Variants in RHOT1 observed in about 807,000 individuals in gnomAD.
RHOT1 encodes ras homolog family member T1.
RHOT1 carries 27 observed loss-of-function variants against 95.3 expected under a neutral mutation model. The observed-to-expected ratio is 0.28, with a 90% CI of 0.21 to 0.39. The LOEUF (loss-of-function observed/expected upper bound fraction) is 0.39, where lower values mean the gene tolerates loss of function less well. RHOT1 is among the 10% of genes least tolerant of loss of function. The probability of loss-of-function intolerance (pLI) is 1.00; values close to 1 mark genes in which losing one functional copy is unlikely to be tolerated. For missense variants in RHOT1, 578 were observed against 786.7 expected, an observed-to-expected ratio of 0.73 and a Z score of 3.17; for synonymous variants, 227 against 263.5, an observed-to-expected ratio of 0.86 and a Z score of 1.34.
At chr17:32,162,965 T>C (rs73286114) in intron 1 of RHOT1, among the ~76,000 whole-genome samples, 1,723 of 152,220 alleles carry the variant, frequency 0.011, 35 homozygotes, top group African/African-American at 0.039. Context: ...GTGGGCAGGA[T>C]TTATCATGGC....
intron 18 of RHOT1, among the ~76,000 whole-genome samples, chr17:32,210,291 A>G (rs1479129229): frequency 6.6e-6 from 1 of 152,158 alleles, no homozygotes; most frequent in Non-Finnish European, 1.5e-5. Context: ...CAGTCATTGG[A>G]GACCCCCTAC....
intron 3 of RHOT1, among the ~76,000 whole-genome samples, chr17:32,174,455 ACAAT>A (rs1229854391): frequency 6.6e-6 from 1 of 152,234 alleles, no homozygotes; most frequent in East Asian, 1.9e-4. Flanking sequence ...GACTTCTGCT[ACAAT>A]CAGTCTCATA....
intron 13 of RHOT1, 144 bp downstream of exon 13, chr17:32,199,694 C>T (rs1488693616): frequency 1.8e-6 from 1 of 564,756 alleles, no homozygotes; most frequent in African/African-American, 2.0e-5. Flanking sequence ...CTGCTGATAT[C>T]TCTAAGATGA....
chr17:32,211,351 A>G, intron 19 of RHOT1, 113 bp downstream of exon 19: 1 of 938,988 alleles, frequency 1.1e-6, no homozygotes, highest in Non-Finnish European at 1.4e-6. Flanking sequence ...ACTGATGCCC[A>G]ACTAACTTCC....
At chr17:32,163,881 G>A (rs1326371962) in intron 1 of RHOT1, among the ~76,000 whole-genome samples, 2 of 152,038 alleles carry the variant, frequency 1.3e-5, no homozygotes, top group African/African-American at 4.8e-5. Flanking sequence ...TGGTGGCCAG[G>A]CGTGGTGGCT....
At chr17:32,196,181 C>CTTT (rs1226938688) in intron 11 of RHOT1, among the ~76,000 whole-genome samples, 140 of 134,512 alleles carry the variant, frequency 1.0e-3, no homozygotes, top group African/African-American at 3.6e-3. Flanking sequence ...CAAGCTGCTG[C>CTTT]TTTTTTTTTT....
intron 19 of RHOT1, among the ~76,000 whole-genome samples, chr17:32,213,116 GT>G (rs1214437052): frequency 2.6e-5 from 4 of 152,162 alleles, no homozygotes; most frequent in Non-Finnish European, 4.4e-5. Flanking sequence ...AAAGTCAGAT[GT>G]TTTTCATATG....
Position 32,211,111 on chromosome 17 carries a change from C to A in RHOT1, c.1740-5C>A. ...CAACTCCTGTCCTTCTGTGTGTTTT[C>A]GCAGCCATGCCCGGTTACGCTGTAT... is the stretch of plus-strand genomic sequence containing the variant. On this transcript the variant is annotated splice_polypyrimidine_tract_variant and splice_region_variant and intron_variant, in intron 18 of 19. Transcript: ENST00000545287. 6.3e-7 allele frequency: 1 copy of A among 1,594,686 alleles called. No individual in the cohort carries two copies. The highest frequency in any genetic ancestry group is 8.6e-7 in the Non-Finnish European group (1 of 1,165,836).
intron 1 of RHOT1, chr17:32,150,937 C>T: frequency 6.5e-7 from 1 of 1,548,514 alleles, no homozygotes; most frequent in Non-Finnish European, 8.8e-7. Flanking sequence ...TGGAAGGTAT[C>T]TGGTTTGGTT....
intron 8 of RHOT1, among the ~76,000 whole-genome samples, chr17:32,187,681 G>C (rs1567695943): frequency 6.6e-6 from 1 of 152,142 alleles, no homozygotes; most frequent in Non-Finnish European, 1.5e-5. Context: ...TGATTCTCCT[G>C]CCTCAGCCTC....
intron 6 of RHOT1, among the ~76,000 whole-genome samples, chr17:32,182,377 T>G (rs2035710200): frequency 6.6e-6 from 1 of 152,094 alleles, no homozygotes; most frequent in Admixed American, 6.6e-5. Context: ...TCCTAGCTAC[T>G]AGGGAGGCTA....
At chr17:32,215,998 G>A (rs1185741796) in intron 19 of RHOT1, among the ~76,000 whole-genome samples, 3 of 151,986 alleles carry the variant, frequency 2.0e-5, no homozygotes, top group Non-Finnish European at 2.9e-5. Context: ...TATAAATTAC[G>A]TTACTGGAGA....
intron 14 of RHOT1, among the ~76,000 whole-genome samples, chr17:32,201,806 T>G (rs1274320323): frequency 6.6e-6 from 1 of 152,220 alleles, no homozygotes; most frequent in Admixed American, 6.5e-5. Flanking sequence ...CCCATAATTA[T>G]ATATTTTTAT....
chr17:32,171,118 C>T lies in RHOT1; in HGVS notation c.96+17C>T, dbSNP rs1035728447. ...CCAGAAGAGGTAAACATTTTGATTT[C>T]CATATTTAAATTTTAAAAAATTTAT... On this transcript the variant is annotated intron_variant, in intron 2 of 19. Coordinates refer to ENST00000545287, the MANE Select transcript of RHOT1 (RefSeq NM_001033566.3). 2.6e-6 allele frequency: 4 copies of T among 1,528,276 alleles called. No individual in the cohort carries two copies. Among genetic ancestry groups the T allele is most frequent in the Admixed American group, 1.8e-5 (1 of 54,194 alleles). 94.7% of individuals were successfully genotyped at this position (1,528,276 alleles called of 1,614,324 possible).
intron 1 of RHOT1, among the ~76,000 whole-genome samples, chr17:32,152,135 G>T (rs771546641): frequency 6.6e-6 from 1 of 152,168 alleles, no homozygotes; most frequent in African/African-American, 2.4e-5. Context: ...CCCACTCTTT[G>T]TTACCACTGT....
intron 3 of RHOT1, among the ~76,000 whole-genome samples, chr17:32,174,956 G>A (rs1433939805): frequency 6.6e-6 from 1 of 152,142 alleles, no homozygotes; most frequent in Non-Finnish European, 1.5e-5. Context: ...AATCTCACCT[G>A]CCTTTTGATC....
At position 32,177,772 on chromosome 17, in the gene RHOT1, G is replaced by A. The variant is rs1191854143; in HGVS notation, c.329+1559G>A. 4.1e-5 allele frequency among the ~76,000 whole-genome samples: 6 copies of A among 147,500 alleles called. No individual in the cohort carries two copies. The East Asian group carries it at 1.0e-3, about 25-fold the overall frequency. ...TCCGTCTCAAAAAAAAAAAAAAAGAGCCCCATCGAGCCTGCAGATGGCTGC... is the reference window on the plus strand; with the variant it reads ...TCCGTCTCAAAAAAAAAAAAAAAGAACCCCATCGAGCCTGCAGATGGCTGC... On this transcript the variant is annotated intron_variant, in intron 6 of 19. Transcript: ENST00000545287.
At chr17:32,173,586 G>A (rs991689842) in intron 2 of RHOT1, among the ~76,000 whole-genome samples, 16 of 151,742 alleles carry the variant, frequency 1.1e-4, no homozygotes, top group African/African-American at 3.1e-4. Context: ...AGTGGTAGGC[G>A]CCTGTAATCC....
At chr17:32,153,880 T>A (rs1319120400) in intron 1 of RHOT1, among the ~76,000 whole-genome samples, 2 of 152,200 alleles carry the variant, frequency 1.3e-5, no homozygotes, top group Non-Finnish European at 2.9e-5. Flanking sequence ...GTTATACTAC[T>A]GCTAAAATAA....
Sources: allele counts gnomAD v4.1 joint callset (sites outside exome capture counted in the v4.1 genomes callset), GRCh38; gene constraint gnomAD v4.1.1; transcripts MANE v1.5; gene names NCBI Gene and HGNC (gene_info 2026-07-23, HGNC 2026-07-21).